Variants in WSB2 observed in about 807,000 individuals in gnomAD.
The protein encoded by WSB2 is WD repeat and SOCS box containing 2, also known as WD repeat and SOCS box-containing protein 2.
In WSB2, 12 loss-of-function variants were observed where a neutral mutation model predicts 48.8. That is an observed-to-expected ratio of 0.25 (90% confidence interval 0.16 to 0.40). WSB2 has a LOEUF of 0.40. Ranked by LOEUF, WSB2 falls within the 10% of genes least tolerant of loss-of-function variation. The probability of loss-of-function intolerance (pLI) is 1.00; values close to 1 mark genes in which losing one functional copy is unlikely to be tolerated. For synonymous variants in WSB2, 191 were observed against 203.1 expected, an observed-to-expected ratio of 0.94 and a Z score of 0.51; for missense variants, 317 against 506.2, an observed-to-expected ratio of 0.63 and a Z score of 3.59.
chr12:118,036,471 T>G lies in WSB2; in HGVS notation c.700A>C (p.Lys234Gln), dbSNP rs765098048. 6.2e-7 allele frequency: 1 copy of G among 1,614,060 alleles called. No homozygotes were observed. The highest frequency in any genetic ancestry group is 1.7e-5 in the Admixed American group (1 of 59,998). ...WSMRSYTLIR[K>Q]LEGHQSSVVS... ...ACACTGCTTTGATGGCCCTCTAGCT[T>G]CCGAATTAACGTGTAGGACCTCATG... Residue 234 changes from lysine (K) to glutamine (Q), a missense_variant, in exon 6 of 9, where the codon AAG becomes CAG. Physicochemically the swap from Lys to Gln is moderately conservative, Grantham distance 53. Transcript: ENST00000315436.
rs2031513124 is a variant in WSB2, at chr12:118,036,441, A to C, written c.730T>G (p.Ser244Ala). Residue 244 changes from serine (S) to alanine (A), a missense_variant, in exon 6 of 9, where the codon TCT becomes GCT. Physicochemically the swap from Ser to Ala is moderately conservative, Grantham distance 99. Coordinates refer to ENST00000315436, the MANE Select transcript of WSB2 (RefSeq NM_018639.5). Reference sequence around the variant, plus strand: ...GCAGAGTCGGGGGAGAAGTCACAAGAGACAACACTGCTTTGATGGCCCTCT... The same window carrying C: ...GCAGAGTCGGGGGAGAAGTCACAAGCGACAACACTGCTTTGATGGCCCTCT... ...KLEGHQSSVVSCDFSPDSALL... is the reference protein window; with the variant it reads ...KLEGHQSSVVACDFSPDSALL... 1 of 1,614,218 alleles carries C rather than the reference A, an allele frequency of 6.2e-7. No homozygotes were observed.
chr12:118,039,895 C>T (rs1212509736), intron 4 of WSB2, among the ~76,000 whole-genome samples: 1 of 151,938 alleles, frequency 6.6e-6, no homozygotes, highest in East Asian at 1.9e-4. Flanking sequence ...AGGTATCTGC[C>T]ACCATGCCCT....
At chr12:118,059,058 C>T (rs1164695718) in intron 1 of WSB2, among the ~76,000 whole-genome samples, 1 of 152,072 alleles carries the variant, frequency 6.6e-6, no homozygotes, top group East Asian at 1.9e-4. Context: ...CTTTCTGAAC[C>T]CACCCAAACT....
intron 2 of WSB2, among the ~76,000 whole-genome samples, chr12:118,048,261 C>T (rs12311489): frequency 3.3e-5 from 5 of 151,392 alleles, no homozygotes; most frequent in Non-Finnish European, 5.9e-5. Flanking sequence ...AAGCCTCATA[C>T]TGCAAACATT....
At chr12:118,041,145 C>T (rs907134158) in intron 4 of WSB2, among the ~76,000 whole-genome samples, 1 of 152,190 alleles carries the variant, frequency 6.6e-6, no homozygotes, top group Non-Finnish European at 1.5e-5. Context: ...GTTTGTCTGA[C>T]AAGTTGCTAT....
intron 1 of WSB2, among the ~76,000 whole-genome samples, chr12:118,053,554 G>C (rs1296173063): frequency 1.3e-5 from 2 of 152,166 alleles, no homozygotes; most frequent in African/African-American, 4.8e-5. Context: ...CCAACACCCA[G>C]ATCATTTTGT....
chr12:118,045,945 A>G (rs950186753), intron 2 of WSB2, among the ~76,000 whole-genome samples: 1 of 152,188 alleles, frequency 6.6e-6, no homozygotes, highest in Admixed American at 6.5e-5. Flanking sequence ...GAGATCATGC[A>G]GTATTTGTCT....
Position 118,036,378 on chromosome 12 carries a change from T to A in WSB2, c.793A>T (p.Met265Leu), listed in dbSNP as rs745822746. 1.2e-6 allele frequency: 2 copies of A among 1,614,196 alleles called. No individual in the cohort carries two copies. The highest frequency in any genetic ancestry group is 1.7e-6 in the Non-Finnish European group (2 of 1,180,034). Residue 265 changes from methionine (M) to leucine (L), a missense_variant, in exon 6 of 9, where the codon ATG becomes TTG. Physicochemically the swap from Met to Leu is conservative, Grantham distance 15 (BLOSUM62 2). Coordinates refer to ENST00000315436, the MANE Select transcript of WSB2 (RefSeq NM_018639.5). ...VTASYDTNVI[M>L]WDPYTGERLR... ...CTTTCGCCGGTGTAGGGGTCCCACA[T>A]AATCACATTGGTATCGTAAGAAGCC...
chr12:118,039,472 C>G (rs1365670703), intron 4 of WSB2, among the ~76,000 whole-genome samples: 2 of 151,854 alleles, frequency 1.3e-5, no homozygotes, highest in Non-Finnish European at 2.9e-5. Flanking sequence ...AAACAATGAC[C>G]CAAAAGCCAT....
upstream of WSB2, among the ~76,000 whole-genome samples, chr12:118,061,455 C>T (rs920201167): frequency 7.0e-6 from 1 of 143,826 alleles, no homozygotes; most frequent in Non-Finnish European, 1.5e-5. Context: ...AGGGGTTGTG[C>T]GGGGTCCTGA....
Position 118,060,399 on chromosome 12 carries a change from C to T in WSB2, c.13+637G>A, listed in dbSNP as rs929819385. 2.6e-5 allele frequency among the ~76,000 whole-genome samples: 4 copies of T among 152,142 alleles called. No individual in the cohort carries two copies. The highest frequency in any genetic ancestry group is 9.7e-5 in the African/African-American group (4 of 41,408). ...GATCATACATGTCACCAGGGATCAGCGTCTCCAGTCCCGCCCCACCTCCAC... is the reference window on the plus strand; with the variant it reads ...GATCATACATGTCACCAGGGATCAGTGTCTCCAGTCCCGCCCCACCTCCAC... On this transcript the variant is annotated intron_variant, in intron 1 of 8. Transcript: ENST00000315436. This position sits in a 1 kb window ranked among gnomAD's most constrained non-coding sequence, Gnocchi z 4.1.
chr12:118,042,967 G>T lies in WSB2; in HGVS notation c.433C>A (p.Leu145Met). ...IKIWEVQTGL[L>M]LLNLSGHQDV... ...TGGTGGCCGGAAAGATTCAAAAGCAGGAGCCCTGGCATGGGAGCAGGGGCA... is the reference window on the plus strand; with the variant it reads ...TGGTGGCCGGAAAGATTCAAAAGCATGAGCCCTGGCATGGGAGCAGGGGCA... The change falls in exon 4 of 9, where the codon CTG becomes ATG. Residue 145 changes from leucine to methionine, a missense_variant. Leu to Met is a conservative substitution (Grantham distance 15). Around this residue, in one of 2 missense-constraint regions of WSB2, gnomAD observed 189 missense variants for 349.6 expected, o/e 0.54. Coordinates refer to ENST00000315436, the MANE Select transcript of WSB2 (RefSeq NM_018639.5). 1 of 1,614,212 alleles carries T rather than the reference G, an allele frequency of 6.2e-7. No homozygotes were observed. Among genetic ancestry groups the T allele is most frequent in the South Asian group, 1.1e-5 (1 of 91,086 alleles).
At position 118,054,684 on chromosome 12, in the gene WSB2, T is replaced by A. The variant is rs11068791; in HGVS notation, c.14-2206A>T. On this transcript the variant is annotated intron_variant, in intron 1 of 8. Transcript: ENST00000315436. ...AAGAGTGAAACTCTGTCTCAAAAAA[T>A]AATAATAATAATAATAATAATAATA... Among the ~76,000 whole-genome samples the A allele has an allele frequency of 2.2e-3, 154 of 70,764 alleles. 1 individual carries two copies. Among genetic ancestry groups the A allele is most frequent in the East Asian group, 5.7e-3 (6 of 1,056 alleles). The allele number at this position is 70,764 out of a possible 152,430, so 46.4% of individuals were successfully genotyped here. A position where few individuals can be genotyped will look rare whatever the true frequency, so the allele number is the denominator to read the frequency against.
intron 1 of WSB2, among the ~76,000 whole-genome samples, chr12:118,055,607 C>CTT (rs748354611): frequency 0.081 from 6,658 of 81,740 alleles, 684 homozygotes; most frequent in East Asian, 0.34. Context: ...CTACATTATC[C>CTT]TTTTTTTTTT....
upstream of WSB2, chr12:118,061,338 T>G (rs148170944): frequency 0.037 from 7,780 of 210,076 alleles, 731 homozygotes; most frequent in African/African-American, 0.23. Flanking sequence ...GCTGAGGGGT[T>G]GCTCAGGGGA....
At chr12:118,036,639 A>G (rs781468673) in intron 5 of WSB2, 129 bp from the exon 6 acceptor site, 9 of 964,000 alleles carry the variant, frequency 9.3e-6, no homozygotes, top group African/African-American at 4.9e-5. Flanking sequence ...TCCCTTTTCT[A>G]CAGCTCTTCC....
At chr12:118,039,482 T>A (rs1393614523) in intron 4 of WSB2, among the ~76,000 whole-genome samples, 1 of 152,000 alleles carries the variant, frequency 6.6e-6, no homozygotes, top group Non-Finnish European at 1.5e-5. Context: ...CCAAAAGCCA[T>A]GAATGCAAAC....
At chr12:118,058,591 A>G (rs1290898100) in intron 1 of WSB2, among the ~76,000 whole-genome samples, 1 of 152,016 alleles carries the variant, frequency 6.6e-6, no homozygotes, top group Non-Finnish European at 1.5e-5. Context: ...AGCTCAAGTG[A>G]TCTACCCAAG....
intron 8 of WSB2, 193 bp from the exon 9 acceptor site, chr12:118,034,551 C>A (rs1383292090): frequency 1.6e-5 from 10 of 644,412 alleles, no homozygotes; most frequent in Non-Finnish European, 2.5e-5. Context: ...TAGAAAAACT[C>A]AAGACACCTG....
Sources: gnomAD v4.1 joint callset for allele counts (sites outside exome capture counted in the v4.1 genomes callset) on GRCh38, gnomAD v4.1.1 for gene constraint, gnomAD v4.1.1 regional missense constraint, Gnocchi (gnomAD v3.1) non-coding constraint, MANE v1.5 for transcripts, NCBI Gene and HGNC (gene_info 2026-07-23, HGNC 2026-07-21) for gene names.